ATRX: variants seen among roughly 807,000 people sequenced by gnomAD.
ATRX encodes the protein ATRX chromatin remodeler.
A neutral mutation model predicts 172.6 loss-of-function variants in ATRX; 12 were observed. The observed-to-expected ratio is 0.07, with a 90% CI of 0.04 to 0.11. ATRX has a LOEUF of 0.11. ATRX is among the 10% of genes least tolerant of loss of function. The probability of loss-of-function intolerance (pLI) is 1.00; values close to 1 mark genes in which losing one functional copy is unlikely to be tolerated. For missense variants in ATRX, 1,368 were observed against 1,767.4 expected (o/e 0.77, Z 4.05); for synonymous variants, 674 against 594.7 (o/e 1.13, Z -1.94).
chrX:77,653,693 G>A (rs1302329702), intron 14 of ATRX, among the ~76,000 whole-genome samples: 12 of 111,592 alleles, frequency 1.1e-4, no homozygotes, highest in African/African-American at 3.9e-4. Context: ...TGTGTTGACA[G>A]AATCAAACAT....
At chrX:77,535,749 A>T (rs1557048153) in intron 30 of ATRX, among the ~76,000 whole-genome samples, 2 of 109,887 alleles carry the variant, frequency 1.8e-5, no homozygotes, top group Non-Finnish European at 3.8e-5. Context: ...ACAGAGTCTC[A>T]CTCTGTCACC....
At chrX:77,704,482 T>C (rs2072705978) in intron 2 of ATRX, among the ~76,000 whole-genome samples, 1 of 111,942 alleles carries the variant, frequency 8.9e-6, no homozygotes, top group East Asian at 2.9e-4. Flanking sequence ...GCCTTCAGGC[T>C]TTCCCTGGCC....
intron 30 of ATRX, among the ~76,000 whole-genome samples, chrX:77,530,098 A>T (rs1401325588): frequency 1.8e-5 from 2 of 112,105 alleles, no homozygotes; most frequent in African/African-American, 6.5e-5. Flanking sequence ...ACAGTCTCTT[A>T]GACCACAGCG....
At chrX:77,620,725 C>T (rs183882689) in intron 19 of ATRX, among the ~76,000 whole-genome samples, 193 bp from the exon 20 acceptor site, 33 of 111,361 alleles carry the variant, frequency 3.0e-4, no homozygotes, top group Admixed American at 6.7e-4. Flanking sequence ...TTAATTATAT[C>T]CAAATGGTAG....
chrX:77,611,173 C>A (rs1444654368), intron 22 of ATRX, among the ~76,000 whole-genome samples: 2 of 111,221 alleles, frequency 1.8e-5, no homozygotes, highest in African/African-American at 6.5e-5. Flanking sequence ...ACAATGAACA[C>A]ACATTGCTAT....
intron 30 of ATRX, among the ~76,000 whole-genome samples, chrX:77,542,273 C>T (rs2147861672): frequency 9.0e-6 from 1 of 111,497 alleles, no homozygotes; most frequent in South Asian, 3.8e-4. Context: ...TGTGAAAGAC[C>T]TCTTCAAGGA....
At chrX:77,698,366 T>A (rs954221979) in intron 3 of ATRX, among the ~76,000 whole-genome samples, 2 of 111,849 alleles carry the variant, frequency 1.8e-5, no homozygotes, top group Admixed American at 9.5e-5. Context: ...TTCAGTTGTC[T>A]GACTTTAGGT....
At chrX:77,606,892 T>A (rs2066932731) in intron 22 of ATRX, among the ~76,000 whole-genome samples, 1 of 111,621 alleles carries the variant, frequency 9.0e-6, no homozygotes, top group South Asian at 3.7e-4. Flanking sequence ...AACCATATAA[T>A]CATTTCAATT....
chrX:77,718,959 TA>T (rs1557167185), intron 1 of ATRX, among the ~76,000 whole-genome samples: 1 of 110,497 alleles, frequency 9.1e-6, no homozygotes. Context: ...TACTCTTAGC[TA>T]AATTTTTTCT....
intron 1 of ATRX, among the ~76,000 whole-genome samples, chrX:77,753,939 G>A (rs1340680761): frequency 8.9e-6 from 1 of 111,760 alleles, no homozygotes; most frequent in Non-Finnish European, 1.9e-5. Context: ...ACAGTGTGGT[G>A]TTAAAGTCTC....
intron 22 of ATRX, among the ~76,000 whole-genome samples, chrX:77,606,462 C>T (rs1331917733): frequency 9.0e-6 from 1 of 110,999 alleles, no homozygotes; most frequent in Non-Finnish European, 1.9e-5. Context: ...GATACCAAAA[C>T]CAGACAAGGA....
chrX:77,682,332 T>C lies in ATRX; in HGVS notation c.2924A>G (p.Asp975Gly), dbSNP rs2148585662. 16 of 1,207,292 alleles carry C rather than the reference T, an allele frequency of 1.3e-5. No individual in the cohort carries two copies. Among genetic ancestry groups the C allele is most frequent in the Middle Eastern group, 2.3e-4 (1 of 4,323 alleles). Residue 975 changes from aspartate to glycine, a missense_variant, in exon 9 of 35, where the codon GAT becomes GGT. Physicochemically the swap from Asp to Gly is moderately conservative, Grantham distance 94. This residue lies in a region of ATRX where 843 missense variants were observed against 643.1 expected (regional missense o/e 1.31). Transcript: ENST00000373344. ...AEKFLKKDQS[D>G]ETSEDDKKQS... is the part of the protein sequence containing the mutation. ...CTTTTTATCATCTTCAGAAGTTTCA[T>C]CGCTCTGGTCTTTCTTTAGGAATTT...
At chrX:77,622,808 T>A (rs1557100836) in intron 19 of ATRX, among the ~76,000 whole-genome samples, 1 of 109,493 alleles carries the variant, frequency 9.1e-6, no homozygotes, top group Non-Finnish European at 1.9e-5. Flanking sequence ...ACCATGGGAG[T>A]GAGACAAGAC....
intron 19 of ATRX, among the ~76,000 whole-genome samples, chrX:77,624,336 C>T (rs782387399): frequency 1.8e-5 from 2 of 110,789 alleles, no homozygotes; most frequent in African/African-American, 6.6e-5. Flanking sequence ...CACTGCACTC[C>T]AGCCTGGGCG....
At chrX:77,543,975 T>C (rs781910995) in intron 30 of ATRX, among the ~76,000 whole-genome samples, 12 of 102,870 alleles carry the variant, frequency 1.2e-4, no homozygotes, top group Non-Finnish European at 2.2e-4. Context: ...TATATATATA[T>C]TGGACACAAG....
intron 1 of ATRX, among the ~76,000 whole-genome samples, chrX:77,759,654 C>T (rs1726091466): frequency 9.0e-6 from 1 of 110,978 alleles, no homozygotes; most frequent in Non-Finnish European, 1.9e-5. Flanking sequence ...GCAGCAGCTG[C>T]AGTGAGCAAA....
intron 15 of ATRX, among the ~76,000 whole-genome samples, chrX:77,649,709 G>A (rs782490377): frequency 1.8e-5 from 2 of 111,544 alleles, no homozygotes; most frequent in African/African-American, 3.3e-5. Flanking sequence ...TTTAAAAAGA[G>A]GAGTTTCCCT....
chrX:77,593,564 C>G lies in ATRX; in HGVS notation c.6110+132G>C, dbSNP rs45567835. On this transcript the variant is annotated intron_variant, in intron 26 of 34. Transcript: ENST00000373344. ...AAGATAGTTGCTTGTATTGGCCTAG[C>G]ACTACAATGACCAAATAAATCACAT... 7.2e-4 allele frequency: 474 copies of G among 660,027 alleles called. 1 individual carries two copies. In the African/African-American group the frequency reaches 0.01, roughly 14 times the overall value. 54.4% of individuals were successfully genotyped at this position (660,027 alleles called of 1,213,427 possible).
chrX:77,660,952 C>T (rs1292361613), intron 12 of ATRX, among the ~76,000 whole-genome samples: 3 of 112,157 alleles, frequency 2.7e-5, no homozygotes, highest in African/African-American at 9.7e-5. Flanking sequence ...TCCTATAAGA[C>T]TCAAGTCAAT....
Sources: gnomAD v4.1 joint callset for allele counts (sites outside exome capture counted in the v4.1 genomes callset) on GRCh38, gnomAD v4.1.1 for gene constraint, gnomAD v4.1.1 regional missense constraint, MANE v1.5 for transcripts, NCBI Gene and HGNC (gene_info 2026-07-23, HGNC 2026-07-21) for gene names.